Variants in LRP1B observed in about 807,000 individuals in gnomAD.
LRP1B encodes low-density lipoprotein receptor-related protein 1B.
A neutral mutation model predicts 556.6 loss-of-function variants in LRP1B; 217 were observed. The observed-to-expected ratio is 0.39, with a 90% CI of 0.35 to 0.44. The LOEUF (loss-of-function observed/expected upper bound fraction) is 0.44. LRP1B is among the 20% of genes least tolerant of loss of function. The pLI is 1.00. For missense variants in LRP1B, 5,053 were observed against 5,620.8 expected, an observed-to-expected ratio of 0.90 and a Z score of 3.23; for synonymous variants, 2,047 against 1,865.8, an observed-to-expected ratio of 1.10 and a Z score of -2.50.
At chr2:140,944,257 T>C (rs577185631) in intron 20 of LRP1B, among the ~76,000 whole-genome samples, 2 of 152,128 alleles carry the variant, frequency 1.3e-5, no homozygotes, top group Admixed American at 6.5e-5. Context: ...TAACCAGTTC[T>C]GAAGCTGAAT....
Position 140,984,858 on chromosome 2 carries a change from A to T in LRP1B, c.2771-2582T>A, listed in dbSNP as rs1696870711. On this transcript the variant is annotated intron_variant, in intron 17 of 90. Coordinates refer to ENST00000389484, the MANE Select transcript of LRP1B (RefSeq NM_018557.3). ...TTTTAACTGATTTCAGATGAGAAAG[A>T]TGCTTTATTCCACAAACCCCCAAGG... Among the ~76,000 whole-genome samples, 6 of 152,142 alleles carry T rather than the reference A, an allele frequency of 3.9e-5. No homozygotes were observed. The South Asian group carries it at 1.2e-3, about 31-fold the overall frequency.
At chr2:141,773,995 G>A (rs1694980661) in intron 2 of LRP1B, among the ~76,000 whole-genome samples, 1 of 152,154 alleles carries the variant, frequency 6.6e-6, no homozygotes, top group Non-Finnish European at 1.5e-5. Flanking sequence ...AGAAACACAG[G>A]AGTTAAAACA....
At chr2:140,490,607 A>G (rs1296583303) in intron 57 of LRP1B, among the ~76,000 whole-genome samples, 1 of 152,086 alleles carries the variant, frequency 6.6e-6, no homozygotes. Flanking sequence ...GTTCTATTTC[A>G]TTCTGCATAT....
intron 3 of LRP1B, among the ~76,000 whole-genome samples, chr2:141,315,252 A>ATTTTTTTTTTTTT (rs34839276): frequency 3.9e-5 from 3 of 77,196 alleles, no homozygotes; most frequent in African/African-American, 5.2e-5. Context: ...AATGATTGTA[A>ATTTTTTTTTTTTT]TTTTTTTTTT....
intron 1 of LRP1B, among the ~76,000 whole-genome samples, chr2:142,004,912 T>C (rs1389102114): frequency 6.6e-6 from 1 of 151,742 alleles, no homozygotes; most frequent in African/African-American, 2.4e-5. Context: ...TATGCCTACC[T>C]ACAGCTAATT....
intron 43 of LRP1B, among the ~76,000 whole-genome samples, chr2:140,589,414 C>T (rs1030722585): frequency 2.0e-5 from 3 of 152,102 alleles, no homozygotes; most frequent in African/African-American, 7.2e-5. Flanking sequence ...AAACAAGCCA[C>T]TAATGTATGA....
At chr2:140,351,883 A>G (rs1210856915) in intron 76 of LRP1B, among the ~76,000 whole-genome samples, 2 of 152,116 alleles carry the variant, frequency 1.3e-5, no homozygotes, top group East Asian at 3.9e-4. Context: ...CACTTCTTAT[A>G]ACTATGGAAA....
At chr2:140,773,370 G>A (rs1689383258) in intron 33 of LRP1B, among the ~76,000 whole-genome samples, 1 of 152,120 alleles carries the variant, frequency 6.6e-6, no homozygotes, top group Non-Finnish European at 1.5e-5. Flanking sequence ...TCGGGGGACT[G>A]AGACAGGAGA....
At chr2:141,530,903 C>A (rs1352425216) in intron 2 of LRP1B, among the ~76,000 whole-genome samples, 2 of 148,480 alleles carry the variant, frequency 1.3e-5, no homozygotes, top group Non-Finnish European at 1.5e-5. Flanking sequence ...TCAGGAGAGG[C>A]AGACAGAGGC....
At chr2:141,382,751 G>A (rs1689685856) in intron 3 of LRP1B, among the ~76,000 whole-genome samples, 1 of 152,160 alleles carries the variant, frequency 6.6e-6, no homozygotes, top group African/African-American at 2.4e-5. Context: ...CCTTGAGCAA[G>A]TTGAATTTAT....
At chr2:140,940,572 CAGACCTGGGCTTT>C (rs1306640806) in intron 20 of LRP1B, among the ~76,000 whole-genome samples, 1 of 152,126 alleles carries the variant, frequency 6.6e-6, no homozygotes, top group East Asian at 1.9e-4. Flanking sequence ...TATAAATGGT[CAGACCTGGGCTTT>C]AGAGGAAGTT....
intron 41 of LRP1B, among the ~76,000 whole-genome samples, chr2:140,695,241 C>A (rs1161121271): frequency 6.6e-6 from 1 of 151,968 alleles, no homozygotes; most frequent in African/African-American, 2.4e-5. Flanking sequence ...TAAACTGCAG[C>A]CCTCTCTTTC....
At chr2:141,767,478 C>A (rs1694765532) in intron 2 of LRP1B, among the ~76,000 whole-genome samples, 1 of 152,070 alleles carries the variant, frequency 6.6e-6, no homozygotes, top group Admixed American at 6.6e-5. Context: ...ATATTTTTAT[C>A]TTCTCTTAGG....
chr2:142,087,567 TATATAA>T (rs1003858594), intron 1 of LRP1B, among the ~76,000 whole-genome samples: 2 of 151,346 alleles, frequency 1.3e-5, no homozygotes, highest in East Asian at 1.9e-4. Flanking sequence ...TTCATTTCAT[TATATAA>T]ATATAATGAA....
chr2:141,287,327 CT>C (rs373364398), intron 3 of LRP1B, among the ~76,000 whole-genome samples: 375 of 141,880 alleles, frequency 2.6e-3, no homozygotes, highest in Middle Eastern at 7.2e-3. Context: ...CTTTATTTTT[CT>C]TTTTTTTTTT....
At chr2:140,441,490 C>A (rs1005794934) in intron 66 of LRP1B, among the ~76,000 whole-genome samples, 8 of 152,018 alleles carry the variant, frequency 5.3e-5, no homozygotes, top group African/African-American at 1.9e-4. Context: ...TCTAAAGACC[C>A]AATTATAATA....
intron 66 of LRP1B, among the ~76,000 whole-genome samples, chr2:140,394,024 TCTC>T (rs959942348): frequency 6.6e-6 from 1 of 151,996 alleles, no homozygotes; most frequent in Admixed American, 6.6e-5. Context: ...ATGTACTAAA[TCTC>T]CTTGACTGAT....
chr2:141,046,626 A>C (rs1698877754), intron 11 of LRP1B, among the ~76,000 whole-genome samples: 1 of 152,120 alleles, frequency 6.6e-6, no homozygotes, highest in Admixed American at 6.6e-5. Flanking sequence ...TGGCTATTAG[A>C]GTCGATCTCT....
chr2:141,713,385 A>G (rs1692440932), intron 2 of LRP1B, among the ~76,000 whole-genome samples: 1 of 152,220 alleles, frequency 6.6e-6, no homozygotes, highest in South Asian at 2.1e-4. Flanking sequence ...TGACAAAGCT[A>G]TTAATGAAAT....
Sources: gnomAD v4.1 joint callset for allele counts (sites outside exome capture counted in the v4.1 genomes callset) on GRCh38, gnomAD v4.1.1 for gene constraint, MANE v1.5 for transcripts, NCBI Gene and HGNC (gene_info 2026-07-23, HGNC 2026-07-21) for gene names.